The following ALKBH3 variants were observed in gnomAD, a reference collection of about 807,000 sequenced individuals.
The protein encoded by ALKBH3 is alkB homolog 3, alpha-ketoglutarate dependent dioxygenase, also known as alpha-ketoglutarate-dependent dioxygenase alkB homolog 3.
ALKBH3 carries 51 observed loss-of-function variants against 43.9 expected under a neutral mutation model. The ratio of observed to expected loss-of-function variants is 1.16; its 90% CI spans 0.93 to 1.47. ALKBH3 has a LOEUF of 1.47. ALKBH3 is among the 40% of genes most tolerant of loss of function. The probability of loss-of-function intolerance (pLI) is 0.00; values close to 1 mark genes in which losing one functional copy is unlikely to be tolerated. For synonymous variants in ALKBH3, 102 were observed against 115.2 expected, an observed-to-expected ratio of 0.89 and a Z score of 0.73; for missense variants, 361 against 351.9, an observed-to-expected ratio of 1.03 and a Z score of -0.21.
intron 7 of ALKBH3, among the ~76,000 whole-genome samples, chr11:43,900,756 C>T (rs1163864639): frequency 5.9e-5 from 9 of 152,096 alleles, no homozygotes; most frequent in Non-Finnish European, 1.3e-4. Context: ...TTGTTTGTAG[C>T]TCCCAAGTAC....
chr11:43,915,367 T>C (rs1231230951), intron 8 of ALKBH3, among the ~76,000 whole-genome samples: 1 of 152,196 alleles, frequency 6.6e-6, no homozygotes, highest in African/African-American at 2.4e-5. Context: ...AGATTATAGA[T>C]TGCTGCAGCC....
chr11:43,894,549 GA>G (rs1223363379), intron 7 of ALKBH3, among the ~76,000 whole-genome samples: 5 of 151,600 alleles, frequency 3.3e-5, no homozygotes, highest in Non-Finnish European at 7.4e-5. Context: ...AAATAACCCA[GA>G]AAAAAAATAC....
intron 8 of ALKBH3, among the ~76,000 whole-genome samples, chr11:43,910,777 C>T (rs757293495): frequency 4.0e-5 from 6 of 148,602 alleles, no homozygotes; most frequent in Non-Finnish European, 8.9e-5. Context: ...GCCTACAGTA[C>T]TAAAATGACT....
chr11:43,900,637 C>T (rs1025610690), intron 7 of ALKBH3, among the ~76,000 whole-genome samples: 9 of 152,118 alleles, frequency 5.9e-5, no homozygotes, highest in African/African-American at 2.2e-4. Flanking sequence ...TTGGGCTCCT[C>T]AATAATTTCT....
rs1387962181 is a variant in ALKBH3, at chr11:43,920,211, A to C, written c.*201A>C. On this transcript the variant is annotated 3_prime_UTR_variant, in exon 10 of 10. Transcript: ENST00000302708. ...GTCTACTGTGGGAACAGTTATCCCT[A>C]ACCACAGCTCAAAATCGCTATCATC... is the stretch of plus-strand genomic sequence containing the variant. 2 of 543,840 alleles carry C rather than the reference A, an allele frequency of 3.7e-6. No individual in the cohort carries two copies. The highest frequency in any genetic ancestry group is 6.6e-6 in the Non-Finnish European group (2 of 305,124). 33.7% of individuals were successfully genotyped at this position (543,840 alleles called of 1,614,324 possible).
intron 7 of ALKBH3, chr11:43,897,102 G>T: frequency 2.6e-6 from 1 of 382,028 alleles, no homozygotes; most frequent in South Asian, 2.0e-5. Context: ...ACTGTGCCTG[G>T]CTTATTTTTT....
intron 7 of ALKBH3, among the ~76,000 whole-genome samples, chr11:43,897,042 A>T (rs1951823884): frequency 6.6e-6 from 1 of 152,152 alleles, no homozygotes; most frequent in Non-Finnish European, 1.5e-5. Flanking sequence ...CCTGGGCTCA[A>T]GCGATCCTCC....
intron 7 of ALKBH3, among the ~76,000 whole-genome samples, chr11:43,893,174 TAA>T (rs1951795781): frequency 5.3e-5 from 8 of 152,240 alleles, no homozygotes; most frequent in African/African-American, 1.7e-4. Flanking sequence ...GTTAATCTTT[TAA>T]AACAAGATTT....
chr11:43,908,559 A>AT (rs1951913020), intron 8 of ALKBH3, among the ~76,000 whole-genome samples: 1 of 151,944 alleles, frequency 6.6e-6, no homozygotes, highest in South Asian at 2.1e-4. Context: ...TTTAAGTTGC[A>AT]TTTTTTGGAA....
At chr11:43,915,736 C>T (rs1951978567) in intron 8 of ALKBH3, among the ~76,000 whole-genome samples, 1 of 152,072 alleles carries the variant, frequency 6.6e-6, no homozygotes, top group Non-Finnish European at 1.5e-5. Context: ...GAAAAATGCT[C>T]AATAAAATAT....
chr11:43,907,499 A>G (rs1468023306), intron 8 of ALKBH3, among the ~76,000 whole-genome samples: 1 of 152,162 alleles, frequency 6.6e-6, no homozygotes, highest in Non-Finnish European at 1.5e-5. Flanking sequence ...TTCTGTGTGT[A>G]CCATGATTTG....
intron 7 of ALKBH3, among the ~76,000 whole-genome samples, chr11:43,896,905 T>C (rs1951822868): frequency 6.6e-6 from 1 of 152,230 alleles, no homozygotes; most frequent in African/African-American, 2.4e-5. Context: ...AAGTGTAGGC[T>C]GGACCAATGG....
At chr11:43,918,920 T>A in intron 8 of ALKBH3, 118 bp from the exon 9 acceptor site, 2 of 754,024 alleles carry the variant, frequency 2.7e-6, no homozygotes, top group Non-Finnish European at 4.5e-6. Context: ...CAGAGCTATA[T>A]ATGGATTCCC....
Position 43,911,091 on chromosome 11 carries a change from G to A in ALKBH3, c.670-7947G>A, listed in dbSNP as rs913384761. On this transcript the variant is annotated intron_variant, in intron 8 of 9. Transcript: ENST00000302708. ...AGTTACAACTCATGGTTAGAGCTCT[G>A]AATTTTTATTTTAGAAGATCACTGT... 3.3e-5 allele frequency among the ~76,000 whole-genome samples: 5 copies of A among 152,154 alleles called. No individual in the cohort carries two copies. The South Asian group carries it at 1.0e-3, about 32-fold the overall frequency.
intron 8 of ALKBH3, among the ~76,000 whole-genome samples, chr11:43,914,130 TC>T (rs1261742253): frequency 6.6e-6 from 1 of 152,114 alleles, no homozygotes; most frequent in African/African-American, 2.4e-5. Flanking sequence ...TGCCATATAA[TC>T]AGGACAGGAA....
At position 43,880,911 on chromosome 11, in the gene ALKBH3, G is replaced by C. The variant is rs907524066; in HGVS notation, c.-339G>C. On this transcript the variant is annotated 5_prime_UTR_variant, in exon 1 of 10. Transcript: ENST00000302708. ...CCCAAGTCCTACCGGGTTTGCACGG[G>C]CGCGCCCGGCTCCGCCCGCAAGTGC... is the stretch of plus-strand genomic sequence containing the variant. 1.3e-5 allele frequency: 2 copies of C among 152,462 alleles called. No homozygotes were observed. The highest frequency in any genetic ancestry group is 2.9e-5 in the Non-Finnish European group (2 of 68,254). 9.4% of individuals were successfully genotyped at this position (152,462 alleles called of 1,614,324 possible). A position where few individuals can be genotyped will look rare whatever the true frequency, so the allele number is the denominator to read the frequency against.
At chr11:43,892,183 G>T in intron 7 of ALKBH3, 54 bp downstream of exon 7, 1 of 1,442,422 alleles carries the variant, frequency 6.9e-7, no homozygotes. Context: ...ACTATGTGTT[G>T]AGTGCTATAA....
chr11:43,896,672 A>G lies in ALKBH3; in HGVS notation c.459+4543A>G, dbSNP rs187821300. Among the ~76,000 whole-genome samples the G allele has an allele frequency of 2.9e-3, 436 of 152,314 alleles. 1 individual carries two copies. The highest frequency in any genetic ancestry group is 4.6e-3 in the Non-Finnish European group (310 of 68,034). On this transcript the variant is annotated intron_variant, in intron 7 of 9. Transcript: ENST00000302708. ...TGTATCCTTCAATCCAATCAAGTTG[A>G]CATTCAGTATTAACCATCACAGTCA...
At chr11:43,893,555 TA>T (rs1175057931) in intron 7 of ALKBH3, among the ~76,000 whole-genome samples, 1 of 152,166 alleles carries the variant, frequency 6.6e-6, no homozygotes, top group Non-Finnish European at 1.5e-5. Context: ...GGAAGAATAT[TA>T]AAATTCTTGA....
Sources: gnomAD v4.1 joint callset for allele counts (sites outside exome capture counted in the v4.1 genomes callset) on GRCh38, gnomAD v4.1.1 for gene constraint, MANE v1.5 for transcripts, NCBI Gene and HGNC (gene_info 2026-07-23, HGNC 2026-07-21) for gene names.